Variants in WDR49 observed in about 807,000 individuals in gnomAD.
The protein encoded by WDR49 is WD repeat domain 49, also known as cilia- and flagella-associated protein 337.
In WDR49, 107 loss-of-function variants were observed where a neutral mutation model predicts 119.5. The ratio of observed to expected loss-of-function variants is 0.90; its 90% CI spans 0.77 to 1.05. The LOEUF (loss-of-function observed/expected upper bound fraction) is 1.05. Ranked by LOEUF, WDR49 falls within the 50% of genes least tolerant of loss-of-function variation. The pLI is 0.00. For synonymous variants in WDR49, 425 were observed against 418.8 expected (o/e 1.01, Z -0.18); for missense variants, 1,240 against 1,220.5 (o/e 1.02, Z -0.24).
rs780993968 is a variant in WDR49, at chr3:167,532,974, C to A, written c.1958G>T (p.Ser653Ile). ...FLPPQTLVTG[S>I]YDGEIVLWNN... ...CCATAGAACAATTTCTCCATCATAA[C>A]TCCCTACACAAGACAGGATGGAGAA... Residue 653 changes from serine (S) to isoleucine (I), a missense_variant, in exon 12 of 19, where the codon AGT (serine) becomes ATT (isoleucine). By Grantham distance (142) the Ser-to-Ile change is moderately radical (BLOSUM62 -2). Transcript: ENST00000682715. The A allele has an allele frequency of 1.9e-6, 3 of 1,596,062 alleles. No individual in the cohort carries two copies. Among genetic ancestry groups the A allele is most frequent in the Middle Eastern group, 1.7e-4 (1 of 5,972 alleles).
At chr3:167,504,670 AATGGGAGAAGGAC>A (rs1023199198) in intron 17 of WDR49, among the ~76,000 whole-genome samples, 3 of 152,084 alleles carry the variant, frequency 2.0e-5, no homozygotes, top group Non-Finnish European at 4.4e-5. Context: ...TTTATTTTTC[AATGGGAGAAGGAC>A]ATGAGATTTG....
intron 10 of WDR49, among the ~76,000 whole-genome samples, chr3:167,550,487 C>G (rs1380425081): frequency 6.6e-6 from 1 of 151,862 alleles, no homozygotes; most frequent in East Asian, 1.9e-4. Context: ...AAAAGATTCT[C>G]TTTTTCTTAT....
intron 3 of WDR49, among the ~76,000 whole-genome samples, chr3:167,623,264 A>C (rs1716955213): frequency 6.6e-6 from 1 of 152,112 alleles, no homozygotes; most frequent in South Asian, 2.1e-4. Context: ...ACATCTTACG[A>C]ATACAAATGT....
chr3:167,540,520 C>A (rs1193645105), intron 10 of WDR49, among the ~76,000 whole-genome samples: 2 of 152,086 alleles, frequency 1.3e-5, no homozygotes, highest in Non-Finnish European at 2.9e-5. Context: ...AAGGGACCAC[C>A]CCACCCCATG....
chr3:167,646,610 G>T (rs557997234), intron 2 of WDR49, among the ~76,000 whole-genome samples: 1 of 152,280 alleles, frequency 6.6e-6, no homozygotes, highest in African/African-American at 2.4e-5. Flanking sequence ...GTGCTTGTGA[G>T]GAACTGAACT....
Position 167,602,292 on chromosome 3 carries a change from A to G in WDR49, c.1127-17T>C, listed in dbSNP as rs758361411. 1 of 1,551,908 alleles carries G rather than the reference A, an allele frequency of 6.4e-7. No individual in the cohort carries two copies. Among genetic ancestry groups the G allele is most frequent in the South Asian group, 1.2e-5 (1 of 83,702 alleles). ...CAGCAGTTGCTAATCAGAATTAGAA[A>G]GAAAAAAAATGTTTTTAATAGCATG... On this transcript the variant is annotated splice_polypyrimidine_tract_variant and intron_variant, in intron 6 of 18. Transcript: ENST00000682715.
rs569294903 is a variant in WDR49 at position 167,557,625 on chromosome 3, C to T, written c.1674+2439G>A. Among the ~76,000 whole-genome samples, 9 of 151,980 alleles carry T rather than the reference C, an allele frequency of 5.9e-5. No individual in the cohort carries two copies. In the East Asian group the frequency reaches 1.2e-3, roughly 20 times the overall value. ...AAAATTAGCCGGGCGTGGTGGCAGG[C>T]GCCTGTAGTCCCAGCTACTCGGGAG... On this transcript the variant is annotated intron_variant, in intron 9 of 18. Transcript: ENST00000682715.
At chr3:167,483,629 A>G (rs1488372359) in intron 18 of WDR49, among the ~76,000 whole-genome samples, 1 of 152,234 alleles carries the variant, frequency 6.6e-6, no homozygotes. Context: ...ATTTATTTAT[A>G]AAAGTGGCTA....
rs1483434871 is a variant in WDR49, at chr3:167,537,013, A to C, written c.1824-13T>G. Reference sequence around the variant, plus strand: ...CACAGTAATAGCCCTAGCAAAAAGGATATAGAATTTAGCTGTGGATCTAAA... The same window carrying C: ...CACAGTAATAGCCCTAGCAAAAAGGCTATAGAATTTAGCTGTGGATCTAAA... On this transcript the variant is annotated splice_polypyrimidine_tract_variant and intron_variant, in intron 10 of 18. Transcript: ENST00000682715. The C allele has an allele frequency of 6.4e-7, 1 of 1,564,854 alleles. No homozygotes were observed. Among genetic ancestry groups the C allele is most frequent in the Admixed American group, 1.9e-5 (1 of 52,090 alleles).
chr3:167,515,050 G>C (rs1412989799), intron 16 of WDR49, among the ~76,000 whole-genome samples: 1 of 152,038 alleles, frequency 6.6e-6, no homozygotes, highest in Admixed American at 6.6e-5. Context: ...TTCTACCAGA[G>C]ATACAAAAAG....
chr3:167,499,062 A>G (rs1373413361), intron 18 of WDR49, among the ~76,000 whole-genome samples: 1 of 152,208 alleles, frequency 6.6e-6, no homozygotes, highest in African/African-American at 2.4e-5. Context: ...CCCTCACAAG[A>G]GCAAGCAAAG....
In WDR49 at chr3:167,566,446, G is replaced by A. The variant is rs147300498; in HGVS notation, c.1510-6218C>T. On this transcript the variant is annotated intron_variant, in intron 8 of 18. Transcript: ENST00000682715. ...AACTATCTTTAGGATGTATTGTTAC[G>A]TATAAAAGCAATGTACAAAGCAGTT... 2.9e-3 allele frequency among the ~76,000 whole-genome samples: 446 copies of A among 152,224 alleles called. 15 individuals are homozygous for A. The East Asian group carries it at 0.06, about 20-fold the overall frequency.
rs960557832 is a variant in WDR49 at position 167,641,572 on chromosome 3, G to C, written c.165+11689C>G. Among the ~76,000 whole-genome samples, 7 of 151,852 alleles carry C rather than the reference G, an allele frequency of 4.6e-5. No individual in the cohort carries two copies. The East Asian group carries it at 1.4e-3, about 29-fold the overall frequency. The stretch of plus-strand genomic sequence containing the variant: ...ATATCTTTATCTAGACCTCTCTTCT[G>C]AGCACTAAACCTTTATATCCTATTT... On this transcript the variant is annotated intron_variant, in intron 2 of 18. Transcript: ENST00000682715.
chr3:167,644,411 C>A (rs1049702280), intron 2 of WDR49, among the ~76,000 whole-genome samples: 1 of 152,058 alleles, frequency 6.6e-6, no homozygotes, highest in Admixed American at 6.6e-5. Context: ...AACCTCTACA[C>A]CACATAAATA....
chr3:167,580,509 C>CGAA (rs1714479819), intron 7 of WDR49, among the ~76,000 whole-genome samples: 1 of 152,156 alleles, frequency 6.6e-6, no homozygotes, highest in Non-Finnish European at 1.5e-5. Context: ...TATTCCCAGG[C>CGAA]ATTTCCTTTG....
intron 18 of WDR49, among the ~76,000 whole-genome samples, chr3:167,494,859 C>T (rs1751289432): frequency 6.6e-6 from 1 of 152,044 alleles, no homozygotes; most frequent in African/African-American, 2.4e-5. Flanking sequence ...TGCAGTTTTG[C>T]AGTACGTGGG....
intron 7 of WDR49, among the ~76,000 whole-genome samples, chr3:167,593,695 G>C (rs1045381236): frequency 6.6e-6 from 1 of 152,034 alleles, no homozygotes; most frequent in Non-Finnish European, 1.5e-5. Flanking sequence ...GCATTGAAGA[G>C]TTAGGTGTTT....
At chr3:167,483,757 G>A (rs866170725) in intron 18 of WDR49, among the ~76,000 whole-genome samples, 17 of 152,180 alleles carry the variant, frequency 1.1e-4, no homozygotes, top group African/African-American at 4.1e-4. Flanking sequence ...ATTGTTGCTT[G>A]TAACCTTGCT....
intron 3 of WDR49, among the ~76,000 whole-genome samples, chr3:167,625,381 T>G (rs892195898): frequency 3.9e-5 from 6 of 151,996 alleles, no homozygotes; most frequent in African/African-American, 1.4e-4. Context: ...ACCCATTATT[T>G]TTCAATTATA....
Sources: allele counts gnomAD v4.1 joint callset (sites outside exome capture counted in the v4.1 genomes callset), GRCh38; gene constraint gnomAD v4.1.1; transcripts MANE v1.5; gene names NCBI Gene and HGNC (gene_info 2026-07-23, HGNC 2026-07-21).